Variants in MSH3 observed in about 807,000 individuals in gnomAD.
MSH3 encodes mutS homolog 3.
MSH3 carries 106 observed loss-of-function variants against 123.3 expected under a neutral mutation model. That is an observed-to-expected ratio of 0.86 (90% CI 0.73 to 1.01). The LOEUF is 1.01. Among genes scored for constraint, MSH3 ranks in the 50% least tolerant of loss-of-function variants. The probability of loss-of-function intolerance (pLI) is 0.00; values close to 1 mark genes in which losing one functional copy is unlikely to be tolerated. For synonymous variants in MSH3, 515 were observed against 481.4 expected (o/e 1.07, Z -0.91); for missense variants, 1,459 against 1,347.6 (o/e 1.08, Z -1.29).
At chr5:80,803,416 T>TTTTTC (rs1744827052) in intron 19 of MSH3, among the ~76,000 whole-genome samples, 1 of 151,846 alleles carries the variant, frequency 6.6e-6, no homozygotes, top group East Asian at 1.9e-4. Flanking sequence ...TTTTAAATTT[T>TTTTTC]TTTTCAGTTT....
intron 15 of MSH3, among the ~76,000 whole-genome samples, chr5:80,770,768 T>A (rs188506746): frequency 1.3e-5 from 2 of 152,330 alleles, no homozygotes; most frequent in Non-Finnish European, 2.9e-5. Context: ...ATTTTAGAGC[T>A]CATAGTATTC....
chr5:80,751,380 C>G (rs1387242120), intron 12 of MSH3, among the ~76,000 whole-genome samples: 1 of 152,168 alleles, frequency 6.6e-6, no homozygotes, highest in Non-Finnish European at 1.5e-5. Flanking sequence ...CTACAACTAT[C>G]TGATTTTCGA....
At chr5:80,731,470 T>C (rs1743412245) in intron 10 of MSH3, among the ~76,000 whole-genome samples, 1 of 151,954 alleles carries the variant, frequency 6.6e-6, no homozygotes. Context: ...GCTTTGTATA[T>C]ATTCCCAGCA....
intron 19 of MSH3, among the ~76,000 whole-genome samples, chr5:80,812,205 AT>A (rs1745020682): frequency 6.6e-6 from 1 of 152,218 alleles, no homozygotes; most frequent in Non-Finnish European, 1.5e-5. Context: ...TAATTAGAAT[AT>A]GATACAGCTT....
At chr5:80,869,927 A>G (rs1021070877) in intron 22 of MSH3, among the ~76,000 whole-genome samples, 4 of 150,860 alleles carry the variant, frequency 2.7e-5, no homozygotes, top group Admixed American at 6.6e-5. Flanking sequence ...TAATCTCAGC[A>G]CTTTGGGAGG....
intron 20 of MSH3, among the ~76,000 whole-genome samples, chr5:80,830,744 A>C (rs906531260): frequency 6.6e-6 from 1 of 152,160 alleles, no homozygotes; most frequent in African/African-American, 2.4e-5. Flanking sequence ...GTCCTTCGTA[A>C]GTGTCCTACA....
chr5:80,665,517 T>G (rs1749550492), intron 3 of MSH3, among the ~76,000 whole-genome samples, 154 bp downstream of exon 3: 1 of 152,132 alleles, frequency 6.6e-6, no homozygotes, highest in Non-Finnish European at 1.5e-5. Context: ...TTTAGTTTTC[T>G]TACATCCCTG....
At chr5:80,864,323 C>T (rs543743462) in intron 21 of MSH3, among the ~76,000 whole-genome samples, 1 of 152,214 alleles carries the variant, frequency 6.6e-6, no homozygotes, top group Admixed American at 6.5e-5. Context: ...GTGCCCCCTC[C>T]ACCCACACTC....
intron 9 of MSH3, among the ~76,000 whole-genome samples, chr5:80,728,124 T>G (rs1295725886): frequency 6.6e-6 from 1 of 152,166 alleles, no homozygotes; most frequent in African/African-American, 2.4e-5. Flanking sequence ...TTTAAGGGCT[T>G]TGACCTCTAC....
chr5:80,787,035 G>A (rs558182201), intron 17 of MSH3, among the ~76,000 whole-genome samples: 52 of 152,248 alleles, frequency 3.4e-4, no homozygotes, highest in African/African-American at 1.2e-3. Flanking sequence ...ATTTATTACA[G>A]TGTTTATTTT....
Position 80,854,278 on chromosome 5 carries a change from G to A in MSH3, c.2962G>A (p.Ala988Thr), listed in dbSNP as rs1580091606. 3 of 1,613,898 alleles carry A rather than the reference G, an allele frequency of 1.9e-6. No homozygotes were observed. In the South Asian group the frequency reaches 3.3e-5, roughly 18 times the overall value. ...GRGTSTHDGI[A>T]IAYATLEYFI... ...AGGGACGAGCACTCATGATGGAATT[G>A]CCATTGCCTATGCTACACTTGAGTA... Residue 988 changes from alanine to threonine, a missense_variant, in exon 21 of 24, where the codon GCC (alanine) becomes ACC (threonine). Transcript: ENST00000265081.
chr5:80,793,232 C>T (rs1165546988), intron 19 of MSH3, among the ~76,000 whole-genome samples: 1 of 152,200 alleles, frequency 6.6e-6, no homozygotes, highest in Non-Finnish European at 1.5e-5. Flanking sequence ...GATGCCTTTG[C>T]AGATTCCAGT....
chr5:80,676,445 C>A (rs184451782), intron 7 of MSH3, among the ~76,000 whole-genome samples: 18 of 152,356 alleles, frequency 1.2e-4, no homozygotes, highest in African/African-American at 4.3e-4. Context: ...AACAATCAGA[C>A]ACCCCTTTTC....
intron 12 of MSH3, among the ~76,000 whole-genome samples, chr5:80,751,739 A>G (rs1443390579): frequency 6.6e-6 from 1 of 152,134 alleles, no homozygotes; most frequent in Non-Finnish European, 1.5e-5. Context: ...CATCTACAAT[A>G]ACCTTATTTC....
intron 17 of MSH3, among the ~76,000 whole-genome samples, chr5:80,784,059 A>C (rs540898292): frequency 1.3e-5 from 2 of 151,698 alleles, no homozygotes; most frequent in African/African-American, 4.8e-5. Context: ...AAAGTACAAA[A>C]ATTTGCTGGG....
intron 2 of MSH3, among the ~76,000 whole-genome samples, chr5:80,659,091 G>A (rs778037719): frequency 3.3e-5 from 5 of 152,046 alleles, no homozygotes; most frequent in African/African-American, 1.2e-4. Context: ...AAAATTAGCC[G>A]GATGTGGTGG....
intron 20 of MSH3, among the ~76,000 whole-genome samples, chr5:80,836,381 T>C (rs916252846): frequency 1.3e-5 from 2 of 152,028 alleles, no homozygotes; most frequent in South Asian, 4.2e-4. Flanking sequence ...GTGAGGTCAG[T>C]TCTATGGGAG....
rs71603566 is a variant in MSH3, at chr5:80,818,402, C to CAAAAAAAAAAAAAAAAAAAA, written c.2813+4662_2813+4681dup. Among the ~76,000 whole-genome samples the CAAAAAAAAAAAAAAAAAAAA allele has an allele frequency of 2.2e-4, 14 of 63,812 alleles. 1 individual carries two copies. Among genetic ancestry groups the CAAAAAAAAAAAAAAAAAAAA allele is most frequent in the Non-Finnish European group, 2.2e-4 (8 of 36,620 alleles). The allele number at this position is 63,812 out of a possible 152,430, so 41.9% of individuals were successfully genotyped here. A position where few individuals can be genotyped will look rare whatever the true frequency, so the allele number is the denominator to read the frequency against. On this transcript the variant is annotated intron_variant, in intron 20 of 23. Coordinates refer to ENST00000265081, the MANE Select transcript of MSH3 (RefSeq NM_002439.5). The stretch of plus-strand genomic sequence containing the variant: ...TTTTTTAACAAATAAATAGCAATGA[C>CAAAAAAAAAAAAAAAAAAAA]AAAAAAAAAAAAAAAAAAAAGGTGG...
chr5:80,694,162 A>G (rs1168896678), intron 8 of MSH3, among the ~76,000 whole-genome samples: 1 of 152,180 alleles, frequency 6.6e-6, no homozygotes, highest in Non-Finnish European at 1.5e-5. Flanking sequence ...AGCTTTCCAT[A>G]CTGTAAAATT....
Sources: allele counts gnomAD v4.1 joint callset (sites outside exome capture counted in the v4.1 genomes callset), GRCh38; gene constraint gnomAD v4.1.1; transcripts MANE v1.5; gene names NCBI Gene and HGNC (gene_info 2026-07-23, HGNC 2026-07-21).